Variants in ARHGAP24 observed in about 807,000 individuals in gnomAD.
The protein encoded by ARHGAP24 is Rho GTPase activating protein 24.
ARHGAP24 carries 50 observed loss-of-function variants against 76.4 expected under a neutral mutation model. The ratio of observed to expected loss-of-function variants is 0.65; its 90% CI spans 0.52 to 0.83. The LOEUF is 0.83. ARHGAP24 is among the 40% of genes least tolerant of loss of function. The probability of loss-of-function intolerance (pLI) is 0.00; values close to 1 mark genes in which losing one functional copy is unlikely to be tolerated. For synonymous variants in ARHGAP24, 345 were observed against 323.3 expected (o/e 1.07, Z -0.72); for missense variants, 930 against 914.2 (o/e 1.02, Z -0.22).
intron 1 of ARHGAP24, among the ~76,000 whole-genome samples, chr4:85,564,606 A>G (rs1240391509): frequency 6.6e-6 from 1 of 151,860 alleles, no homozygotes; most frequent in Non-Finnish European, 1.5e-5. Context: ...CCTTTTTAAC[A>G]CCAGGGACCA....
At chr4:85,619,737 T>C (rs556860281) in intron 2 of ARHGAP24, among the ~76,000 whole-genome samples, 2 of 152,002 alleles carry the variant, frequency 1.3e-5, no homozygotes, top group Non-Finnish European at 2.9e-5. Context: ...CTTCCTTGAT[T>C]TCTTTTTTCC....
intron 2 of ARHGAP24, among the ~76,000 whole-genome samples, chr4:85,704,275 A>G (rs1329999478): frequency 1.3e-5 from 2 of 152,028 alleles, no homozygotes; most frequent in African/African-American, 2.4e-5. Context: ...CTGCACTTTA[A>G]TATATCTTCT....
chr4:85,685,148 A>G, intron 2 of ARHGAP24, among the ~76,000 whole-genome samples: 1 of 152,234 alleles, frequency 6.6e-6, no homozygotes, highest in East Asian at 1.9e-4. Flanking sequence ...TTATATGCAG[A>G]TAAAAGAAAC....
intron 4 of ARHGAP24, among the ~76,000 whole-genome samples, chr4:85,936,534 A>G (rs1033121506): frequency 2.6e-5 from 4 of 152,070 alleles, no homozygotes; most frequent in African/African-American, 9.7e-5. Flanking sequence ...GGATAGATAT[A>G]TAGTATGTAG....
intron 1 of ARHGAP24, among the ~76,000 whole-genome samples, chr4:85,535,146 T>A (rs1032345828): frequency 3.3e-5 from 5 of 152,166 alleles, no homozygotes; most frequent in Non-Finnish European, 7.4e-5. Flanking sequence ...TGCACAAAGA[T>A]GCATTTTTGT....
Position 85,541,266 on chromosome 4 carries a change from G to C in ARHGAP24, c.-20-29256G>C, listed in dbSNP as rs1213684188. 1.3e-4 allele frequency among the ~76,000 whole-genome samples: 16 copies of C among 125,978 alleles called. 1 individual carries two copies. Among genetic ancestry groups the C allele is most frequent in the Non-Finnish European group, 2.1e-4 (14 of 65,456 alleles). 82.6% of individuals were successfully genotyped at this position (125,978 alleles called of 152,430 possible). A position where few individuals can be genotyped will look rare whatever the true frequency, so the allele number is the denominator to read the frequency against. On this transcript the variant is annotated intron_variant, in intron 1 of 9. Coordinates refer to ENST00000395184, the MANE Select transcript of ARHGAP24 (RefSeq NM_001025616.3). ...CCTCCCGGGTTCACGCCATTCTCCT[G>C]CCTCAGCCTCCCAAGTAGCTGGGAC...
chr4:85,660,325 ACTTT>A lies in ARHGAP24; in HGVS notation c.181-61555_181-61552del, dbSNP rs1465800045. On this transcript the variant is annotated intron_variant, in intron 2 of 9. Coordinates refer to ENST00000395184, the MANE Select transcript of ARHGAP24 (RefSeq NM_001025616.3). ...TTTCTTGGATTTTATTTCCAAAATG[ACTTT>A]CTTTTTTTCTTGAAATACTGTTTTA... Among the ~76,000 whole-genome samples the A allele has an allele frequency of 2.6e-5, 4 of 152,296 alleles. No individual in the cohort carries two copies. The East Asian group carries it at 5.8e-4, about 22-fold the overall frequency.
intron 3 of ARHGAP24, among the ~76,000 whole-genome samples, chr4:85,759,248 A>C (rs538448925): frequency 6.6e-6 from 1 of 152,332 alleles, no homozygotes; most frequent in African/African-American, 2.4e-5. Context: ...AGAATTTAAT[A>C]ATGACTGTAG....
At chr4:85,971,626 A>G (rs764907339) in intron 5 of ARHGAP24, among the ~76,000 whole-genome samples, 5 of 152,084 alleles carry the variant, frequency 3.3e-5, no homozygotes, top group Non-Finnish European at 5.9e-5. Context: ...AAGCATTCCA[A>G]TTATACTGTT....
chr4:85,587,326 G>C (rs1423307792), intron 2 of ARHGAP24, among the ~76,000 whole-genome samples: 1 of 152,110 alleles, frequency 6.6e-6, no homozygotes, highest in Non-Finnish European at 1.5e-5. Flanking sequence ...CTGAACAAAA[G>C]TTCCCCAGTA....
At chr4:85,934,545 C>A (rs1179432783) in intron 4 of ARHGAP24, among the ~76,000 whole-genome samples, 3 of 152,130 alleles carry the variant, frequency 2.0e-5, no homozygotes, top group Admixed American at 2.0e-4. Context: ...GAAATGATCT[C>A]ATTCTGTCAT....
chr4:85,931,893 G>T (rs1736355348), intron 4 of ARHGAP24, among the ~76,000 whole-genome samples: 1 of 152,100 alleles, frequency 6.6e-6, no homozygotes, highest in Admixed American at 6.5e-5. Context: ...AATTTAGTCA[G>T]GTGCTGAGTT....
At chr4:85,827,518 T>TGTGTGTGTGTG (rs1368669294) in intron 3 of ARHGAP24, among the ~76,000 whole-genome samples, 51 of 57,920 alleles carry the variant, frequency 8.8e-4, no homozygotes, top group South Asian at 1.6e-3. Context: ...GTGTGTGTGT[T>TGTGTGTGTGTG]TAGAGAGAGA....
At chr4:85,530,219 TA>T in intron 1 of ARHGAP24, among the ~76,000 whole-genome samples, 1 of 152,104 alleles carries the variant, frequency 6.6e-6, no homozygotes, top group Middle Eastern at 3.4e-3. Flanking sequence ...GGGTATAAAA[TA>T]GTAAAAGAGC....
intron 1 of ARHGAP24, among the ~76,000 whole-genome samples, chr4:85,549,020 G>A (rs1385606932): frequency 6.6e-6 from 1 of 151,828 alleles, no homozygotes; most frequent in Non-Finnish European, 1.5e-5. Flanking sequence ...GTTGCTAAAA[G>A]AAACCAAGCC....
At chr4:85,577,289 A>G (rs1727419796) in intron 2 of ARHGAP24, among the ~76,000 whole-genome samples, 1 of 151,690 alleles carries the variant, frequency 6.6e-6, no homozygotes, top group Non-Finnish European at 1.5e-5. Context: ...GAAGCAGCTC[A>G]GGTGAAAGTC....
At chr4:85,543,290 G>A (rs534395211) in intron 1 of ARHGAP24, among the ~76,000 whole-genome samples, 309 of 152,208 alleles carry the variant, frequency 2.0e-3, no homozygotes, top group Non-Finnish European at 3.3e-3. Flanking sequence ...CAGAAGTATC[G>A]GCCTGGTGAT....
intron 3 of ARHGAP24, among the ~76,000 whole-genome samples, chr4:85,802,313 C>A (rs1001948021): frequency 6.6e-6 from 1 of 152,102 alleles, no homozygotes; most frequent in African/African-American, 2.4e-5. Context: ...GAAGATAGCA[C>A]CCTCCATATT....
At chr4:85,805,800 A>G (rs1728764664) in intron 3 of ARHGAP24, among the ~76,000 whole-genome samples, 2 of 152,198 alleles carry the variant, frequency 1.3e-5, no homozygotes, top group African/African-American at 4.8e-5. Context: ...AGCTTCAAGA[A>G]GAGGTCAGCC....
Sources: gnomAD v4.1 joint callset for allele counts (sites outside exome capture counted in the v4.1 genomes callset) on GRCh38, gnomAD v4.1.1 for gene constraint, MANE v1.5 for transcripts, NCBI Gene and HGNC (gene_info 2026-07-23, HGNC 2026-07-21) for gene names.